The following ADK variants were observed in gnomAD, a reference collection of about 807,000 sequenced individuals.
The protein encoded by ADK is adenosine kinase.
ADK carries 24 observed loss-of-function variants against 44.7 expected under a neutral mutation model. The ratio of observed to expected loss-of-function variants is 0.54; its 90% CI spans 0.39 to 0.76. ADK has a LOEUF of 0.76. Among genes scored for constraint, ADK ranks in the 30% least tolerant of loss-of-function variants. The pLI is 0.00. For synonymous variants in ADK, 128 were observed against 142.6 expected (o/e 0.90, Z 0.73); for missense variants, 321 against 425.1 (o/e 0.76, Z 2.15).
chr10:74,497,331 G>A (rs918084221), intron 6 of ADK, among the ~76,000 whole-genome samples: 1 of 152,146 alleles, frequency 6.6e-6, no homozygotes, highest in Non-Finnish European at 1.5e-5. Context: ...TTGTGCTGAA[G>A]GCATGGTGTT....
In ADK at chr10:74,544,665, A is replaced by G. The variant is rs180973642; in HGVS notation, c.726+19239A>G. 4.8e-3 allele frequency among the ~76,000 whole-genome samples: 729 copies of G among 152,220 alleles called. 7 individuals are homozygous for G. The highest frequency in any genetic ancestry group is 0.017 in the African/African-American group (694 of 41,532). On this transcript the variant is annotated intron_variant, in intron 7 of 10. Coordinates refer to ENST00000539909, the MANE Select transcript of ADK (RefSeq NM_006721.4). ...GCTGAGGCGGGCAGATCACGAGGTCAGGAGATCGAGACCATCCTGGCCAAC... is the reference window on the plus strand; with the variant it reads ...GCTGAGGCGGGCAGATCACGAGGTCGGGAGATCGAGACCATCCTGGCCAAC...
intron 6 of ADK, among the ~76,000 whole-genome samples, chr10:74,444,392 A>T (rs762150421): frequency 2.6e-5 from 4 of 152,108 alleles, no homozygotes; most frequent in Non-Finnish European, 5.9e-5. Context: ...GAGTAAGTAG[A>T]CTTGCCCATC....
intron 4 of ADK, among the ~76,000 whole-genome samples, chr10:74,325,883 T>A (rs763219328): frequency 9.9e-5 from 15 of 151,746 alleles, no homozygotes; most frequent in Non-Finnish European, 1.9e-4. Flanking sequence ...TAAGACAGAG[T>A]CTCTCTCTGT....
intron 6 of ADK, among the ~76,000 whole-genome samples, chr10:74,404,543 A>C (rs1162274733): frequency 6.6e-6 from 1 of 152,154 alleles, no homozygotes; most frequent in African/African-American, 2.4e-5. Context: ...TTTGTGCCAG[A>C]TATATAGTTC....
At chr10:74,687,501 G>A (rs552816029) in intron 10 of ADK, among the ~76,000 whole-genome samples, 12 of 152,256 alleles carry the variant, frequency 7.9e-5, no homozygotes, top group East Asian at 3.9e-4. Context: ...TTGAATTTAC[G>A]TGCACAAAAC....
At chr10:74,488,248 T>A (rs961856031) in intron 6 of ADK, among the ~76,000 whole-genome samples, 4 of 151,854 alleles carry the variant, frequency 2.6e-5, no homozygotes, top group Admixed American at 6.6e-5. Context: ...CTTGACTATA[T>A]ATTAGATAAT....
intron 3 of ADK, among the ~76,000 whole-genome samples, chr10:74,281,671 C>G (rs992518762): frequency 6.6e-6 from 1 of 152,050 alleles, no homozygotes; most frequent in Non-Finnish European, 1.5e-5. Context: ...ATCAAAATAA[C>G]TATTATTTTA....
intron 3 of ADK, among the ~76,000 whole-genome samples, chr10:74,244,053 C>T (rs1845323347): frequency 6.6e-6 from 1 of 152,024 alleles, no homozygotes; most frequent in Non-Finnish European, 1.5e-5. Context: ...TTCAGCTTTA[C>T]AATAATTACA....
At chr10:74,516,600 T>G (rs1481590771) in intron 6 of ADK, 1 of 152,062 alleles carries the variant, frequency 6.6e-6, no homozygotes, top group Non-Finnish European at 1.5e-5. Context: ...CTCAGATCAC[T>G]GCAACCTCCA....
chr10:74,515,245 T>C (rs1307087727), intron 6 of ADK, among the ~76,000 whole-genome samples: 1 of 152,220 alleles, frequency 6.6e-6, no homozygotes, highest in Non-Finnish European at 1.5e-5. Context: ...TAATCCACTC[T>C]AGTGGCATTT....
intron 4 of ADK, among the ~76,000 whole-genome samples, chr10:74,362,438 A>G (rs115836376): frequency 6.6e-6 from 1 of 151,286 alleles, no homozygotes; most frequent in Non-Finnish European, 1.5e-5. Flanking sequence ...TATTTCTTTC[A>G]TAATTTTCTG....
intron 1 of ADK, among the ~76,000 whole-genome samples, chr10:74,164,293 T>C (rs1441493750): frequency 6.6e-6 from 1 of 152,254 alleles, no homozygotes; most frequent in Non-Finnish European, 1.5e-5. Flanking sequence ...CCCAGCACTT[T>C]GGGAGGCTGA....
rs112337065 is a variant in ADK, at chr10:74,266,904, G to A, written c.194+42313G>A. Among the ~76,000 whole-genome samples the A allele has an allele frequency of 5.2e-3, 795 of 152,202 alleles. 11 individuals carry two copies. Among genetic ancestry groups the A allele is most frequent in the African/African-American group, 0.017 (720 of 41,512 alleles). Reference sequence around the variant, plus strand: ...TTTAGTGGCCTTTTCCTAGGTCAATGTACAATTCCACTGAATTTTTTTGAA... The same window carrying A: ...TTTAGTGGCCTTTTCCTAGGTCAATATACAATTCCACTGAATTTTTTTGAA... On this transcript the variant is annotated intron_variant, in intron 3 of 10. Transcript: ENST00000539909.
intron 7 of ADK, among the ~76,000 whole-genome samples, chr10:74,579,318 AT>A (rs967356700): frequency 6.6e-6 from 1 of 152,208 alleles, no homozygotes; most frequent in African/African-American, 2.4e-5. Flanking sequence ...GTCCTGATAC[AT>A]TTTTTTAAAC....
At chr10:74,380,799 CA>C (rs1007306295) in intron 4 of ADK, among the ~76,000 whole-genome samples, 1 of 152,042 alleles carries the variant, frequency 6.6e-6, no homozygotes, top group African/African-American at 2.4e-5. Context: ...AGCTTCTAGG[CA>C]AAATCTTAAA....
intron 6 of ADK, among the ~76,000 whole-genome samples, chr10:74,452,798 G>A (rs564283863): frequency 2.6e-5 from 4 of 151,982 alleles, no homozygotes; most frequent in African/African-American, 7.2e-5. Flanking sequence ...ACACATTTCT[G>A]GTTTGCTTTC....
At chr10:74,621,645 C>T (rs1035105931) in intron 9 of ADK, among the ~76,000 whole-genome samples, 11 of 152,120 alleles carry the variant, frequency 7.2e-5, no homozygotes, top group African/African-American at 1.2e-4. Flanking sequence ...ATTGAATTGG[C>T]GGATCACTTT....
chr10:74,547,232 T>C (rs1377668014), intron 7 of ADK, among the ~76,000 whole-genome samples: 1 of 151,952 alleles, frequency 6.6e-6, no homozygotes, highest in Non-Finnish European at 1.5e-5. Flanking sequence ...GTCCCAAGAA[T>C]GTTCTTTCTA....
chr10:74,237,535 G>A (rs1216074842), intron 3 of ADK, among the ~76,000 whole-genome samples: 1 of 152,112 alleles, frequency 6.6e-6, no homozygotes, highest in Non-Finnish European at 1.5e-5. Flanking sequence ...CATGAATCAC[G>A]AATGTTCTTA....
Sources: allele counts gnomAD v4.1 joint callset (sites outside exome capture counted in the v4.1 genomes callset), GRCh38; gene constraint gnomAD v4.1.1; transcripts MANE v1.5; gene names NCBI Gene and HGNC (gene_info 2026-07-23, HGNC 2026-07-21).